AK6: variants seen among roughly 807,000 people sequenced by gnomAD.
AK6 encodes the protein adenylate kinase 6.
AK6 carries 24 observed loss-of-function variants against 23.7 expected under a neutral mutation model. The observed-to-expected ratio is 1.01, with a 90% confidence interval of 0.73 to 1.43. AK6 has a LOEUF of 1.43. AK6 is among the 40% of genes most tolerant of loss of function. The pLI is 0.00. For synonymous variants in AK6, 73 were observed against 69.8 expected (o/e 1.05, Z -0.23); for missense variants, 191 against 199.1 (o/e 0.96, Z 0.24).
At chr5:69,369,685 A>G (rs1212313091), upstream of AK6, 13 of 1,554,014 alleles carry the variant, frequency 8.4e-6, no homozygotes, top group East Asian at 7.3e-5. Context: ...TTTCCGTCGC[A>G]AAGTTGGAGG....
In AK6 at chr5:69,362,279, C is replaced by G. The variant is rs184459527; in HGVS notation, c.121+4224G>C. Among the ~76,000 whole-genome samples the G allele has an allele frequency of 3.3e-5, 5 of 152,176 alleles. No homozygotes were observed. The East Asian group carries it at 7.7e-4, about 24-fold the overall frequency. The stretch of plus-strand genomic sequence containing the variant: ...TAGAATCCCTGGCCATCACCTCCCC[C>G]TCCATGTGACAACCCAAAATGTCTT... On this transcript the variant is annotated intron_variant, in intron 2 of 4. Transcript: ENST00000380822.
chr5:69,365,230 T>C (rs764961977), intron 2 of AK6: 5 of 1,614,206 alleles, frequency 3.1e-6, no homozygotes, highest in Admixed American at 1.7e-5. Context: ...GAAACAGACA[T>C]GGTCTGTGGG....
intron 2 of AK6, among the ~76,000 whole-genome samples, chr5:69,357,900 T>C (rs184760654): frequency 9.0e-4 from 137 of 152,206 alleles, no homozygotes; most frequent in African/African-American, 2.9e-3. Flanking sequence ...AATTATGTAA[T>C]TAAAATTAAT....
At chr5:69,368,102 C>A (rs1762568145) in intron 1 of AK6, among the ~76,000 whole-genome samples, 1 of 152,114 alleles carries the variant, frequency 6.6e-6, no homozygotes, top group Non-Finnish European at 1.5e-5. Context: ...TAGAGATAAC[C>A]ACTGTAAACC....
Position 69,352,110 on chromosome 5 carries a change from T to C in AK6, c.470A>G (p.Asp157Gly). ...CTGCTCAATCCATTTCAAGATCTGA[T>C]CTACATTATTTTCTAGCTCTTCTGG... is the stretch of plus-strand genomic sequence containing the variant. ...NKPEELENNV[D>G]QILKWIEQWI... is the part of the protein sequence containing the mutation. The change falls in exon 5 of 5, where the codon GAT (aspartate) becomes GGT (glycine). Residue 157 changes from aspartate (D) to glycine (G), a missense_variant. Transcript: ENST00000380822. The C allele has an allele frequency of 6.2e-7, 1 of 1,613,490 alleles. No homozygotes were observed. Among genetic ancestry groups the C allele is most frequent in the East Asian group, 2.2e-5 (1 of 44,868 alleles).
At chr5:69,366,900 A>T in intron 1 of AK6, 1 of 296,048 alleles carries the variant, frequency 3.4e-6, no homozygotes, top group Non-Finnish European at 6.5e-6. Context: ...CTGGAATTAC[A>T]GGTGCCCACC....
chr5:69,358,630 C>T (rs1327126122), intron 2 of AK6, among the ~76,000 whole-genome samples: 2 of 150,988 alleles, frequency 1.3e-5, no homozygotes, highest in Non-Finnish European at 2.9e-5. Flanking sequence ...AGACGGAGTC[C>T]CAGAGGCTAT....
At chr5:69,355,992 A>G (rs1561213985) in intron 2 of AK6, 39 bp from the exon 3 acceptor site, 2 of 1,505,650 alleles carry the variant, frequency 1.3e-6, no homozygotes, top group African/African-American at 1.4e-5. Flanking sequence ...AATATTTTCT[A>G]AGTAACTTTA....
At position 69,355,482 on chromosome 5, in the gene AK6, G is replaced by A. The variant is rs1762057709; in HGVS notation, c.326+167C>T. 6 of 666,824 alleles carry A rather than the reference G, an allele frequency of 9.0e-6. No homozygotes were observed. The South Asian group carries it at 1.2e-4, about 13-fold the overall frequency. 41.3% of individuals were successfully genotyped at this position (666,824 alleles called of 1,614,324 possible). A position where few individuals can be genotyped will look rare whatever the true frequency, so the allele number is the denominator to read the frequency against. On this transcript the variant is annotated intron_variant, in intron 4 of 4. Coordinates refer to ENST00000380822, the MANE Select transcript of AK6 (RefSeq NM_016283.5). ...GGAGGTGGAGGTTGCAGTGGACCGA[G>A]ATCACACCACTGCCCTCCAGCCTGG...
At chr5:69,359,068 C>A (rs1762159573) in intron 2 of AK6, among the ~76,000 whole-genome samples, 1 of 151,016 alleles carries the variant, frequency 6.6e-6, no homozygotes, top group Non-Finnish European at 1.5e-5. Flanking sequence ...TAGCAACACC[C>A]CACCACTACC....
In AK6 at chr5:69,355,838, A is replaced by C. The variant is rs752899510; in HGVS notation, c.181-44T>G. On this transcript the variant is annotated intron_variant, in intron 3 of 4. Transcript: ENST00000380822. ...AAAAAATGCTTCTTAAGAAAACTGA[A>C]GTCAACTTTCCTATGAAATTCAACA... The C allele has an allele frequency of 3.1e-6, 5 of 1,597,152 alleles. No homozygotes were observed. The South Asian group carries it at 5.7e-5, about 18-fold the overall frequency.
At chr5:69,364,279 C>T (rs1014154371) in intron 2 of AK6, among the ~76,000 whole-genome samples, 1 of 151,500 alleles carries the variant, frequency 6.6e-6, no homozygotes, top group Non-Finnish European at 1.5e-5. Context: ...GAACATGATA[C>T]TGGCTTATAG....
Position 69,358,535 on chromosome 5 carries a change from A to G in AK6, c.122-2582T>C, listed in dbSNP as rs1580307811. Among the ~76,000 whole-genome samples, 3 of 151,160 alleles carry G rather than the reference A, an allele frequency of 2.0e-5. No individual in the cohort carries two copies. The East Asian group carries it at 5.8e-4, about 29-fold the overall frequency. On this transcript the variant is annotated intron_variant, in intron 2 of 4. Coordinates refer to ENST00000380822, the MANE Select transcript of AK6 (RefSeq NM_016283.5). ...TCTGTCTCAAAAAAAAAAAAAAAAA[A>G]AAAAAAAGAAAGATGACTTGAACCA...
intron 4 of AK6, 81 bp downstream of exon 4, chr5:69,355,568 A>T (rs912199557): frequency 1.2e-5 from 17 of 1,395,400 alleles, no homozygotes; most frequent in Non-Finnish European, 1.6e-5. Flanking sequence ...AACAACAACA[A>T]TCTTTTATCA....
rs1347137978 is a variant in AK6 at position 69,351,791 on chromosome 5, T to C, written c.*270A>G. 2 of 304,332 alleles carry C rather than the reference T, an allele frequency of 6.6e-6. No homozygotes were observed. The highest frequency in any genetic ancestry group is 1.2e-5 in the Non-Finnish European group (2 of 168,468). 18.9% of individuals were successfully genotyped at this position (304,332 alleles called of 1,614,324 possible). ...TTTTTTCTGTAATAAACTTAAAAGA[T>C]ATCCACCCATTTTGTCAGATTTATT... On this transcript the variant is annotated 3_prime_UTR_variant, in exon 5 of 5. Transcript: ENST00000380822.
At chr5:69,356,412 T>C (rs1177685443) in intron 2 of AK6, among the ~76,000 whole-genome samples, 2 of 5,724 alleles carry the variant, frequency 3.5e-4, no homozygotes, top group Non-Finnish European at 8.3e-3. Context: ...TCCCAGCCCA[T>C]ACGAGGTAGG....
chr5:69,355,810 A>T lies in AK6; in HGVS notation c.181-16T>A, dbSNP rs182546895. The T allele has an allele frequency of 2.6e-4, 401 of 1,565,708 alleles. No individual in the cohort carries two copies. The African/African-American group carries it at 5.0e-3, about 19-fold the overall frequency. On this transcript the variant is annotated splice_polypyrimidine_tract_variant and intron_variant, in intron 3 of 4. Transcript: ENST00000380822. ...CATCAACTACCTGTAAGAAAAGTTT[A>T]AAAAAAAATGCTTCTTAAGAAAACT...
At position 69,354,196 on chromosome 5, in the gene AK6, A is replaced by G. The variant is rs183826499; in HGVS notation, c.326+1453T>C. Among the ~76,000 whole-genome samples, 9 of 152,314 alleles carry G rather than the reference A, an allele frequency of 5.9e-5. No homozygotes were observed. In the East Asian group the frequency reaches 1.7e-3, roughly 29 times the overall value. ...ATACCTTAGTCTTACCCTTGGCTAT[A>G]TATGTAAAACAGTAATTTTTTAATC... is the stretch of plus-strand genomic sequence containing the variant. On this transcript the variant is annotated intron_variant, in intron 4 of 4. Transcript: ENST00000380822.
Position 69,362,490 on chromosome 5 carries a change from A to G in AK6, c.121+4013T>C, listed in dbSNP as rs115158058. 1.4e-3 allele frequency among the ~76,000 whole-genome samples: 220 copies of G among 152,336 alleles called. 1 individual carries two copies. Among genetic ancestry groups the G allele is most frequent in the African/African-American group, 5.2e-3 (215 of 41,578 alleles). ...TAAAAAATCTGGTATGTCAAACCTT[A>G]CAAAGTACCTCATCAGGCTGGGCAC... On this transcript the variant is annotated intron_variant, in intron 2 of 4. Coordinates refer to ENST00000380822, the MANE Select transcript of AK6 (RefSeq NM_016283.5).
Sources: gnomAD v4.1 joint callset for allele counts (sites outside exome capture counted in the v4.1 genomes callset) on GRCh38, gnomAD v4.1.1 for gene constraint, MANE v1.5 for transcripts, NCBI Gene and HGNC (gene_info 2026-07-23, HGNC 2026-07-21) for gene names.